Variants in TXNDC5 observed in about 807,000 individuals in gnomAD.
The protein encoded by TXNDC5 is thioredoxin domain containing 5.
A neutral mutation model predicts 52.6 loss-of-function variants in TXNDC5; 44 were observed. The observed-to-expected ratio is 0.84, with a 90% CI of 0.66 to 1.08. The LOEUF is 1.08. Among genes scored for constraint, TXNDC5 ranks in the 50% least tolerant of loss-of-function variants. TXNDC5 has a pLI of 0.00. For missense variants in TXNDC5, 600 were observed against 565.5 expected (o/e 1.06, Z -0.62); for synonymous variants, 241 against 234.4 (o/e 1.03, Z -0.26).
In TXNDC5 at chr6:7,884,416, C is replaced by T. The variant is rs770011371; in HGVS notation, c.1119G>A (p.Gly373=). The change falls in exon 9 of 10, where the codon GGG becomes GGA. Residue 373 remains glycine (G), a synonymous_variant. Transcript: ENST00000379757. The part of the protein sequence containing the change: ...LSKKEFPGLA[G]VKIAEVDCTA... ...TGCAGTCTACTTCGGCGATCTTGAC[C>T]CCCGCCAGACCAGGGAATTCCTTTT... is the stretch of plus-strand genomic sequence containing the variant. The T allele has an allele frequency of 1.2e-5, 19 of 1,614,082 alleles. No homozygotes were observed. The highest frequency in any genetic ancestry group is 1.6e-4 in the Middle Eastern group (1 of 6,062).
intron 1 of TXNDC5, among the ~76,000 whole-genome samples, 159 bp downstream of exon 1, chr6:7,910,355 C>A (rs1760876906): frequency 6.6e-6 from 1 of 150,542 alleles, no homozygotes; most frequent in South Asian, 2.1e-4. Context: ...TTACACCCCG[C>A]ACCCCTGAGC....
At chr6:7,892,864 A>T (rs576894120) in intron 4 of TXNDC5, among the ~76,000 whole-genome samples, 1 of 152,350 alleles carries the variant, frequency 6.6e-6, no homozygotes, top group Admixed American at 6.5e-5. Flanking sequence ...AAAACGGACT[A>T]ATACAAGTGG....
In TXNDC5 at chr6:7,895,190, C is replaced by G; in HGVS notation, c.532G>C (p.Glu178Gln). 1 of 1,613,042 alleles carries G rather than the reference C, an allele frequency of 6.2e-7. No homozygotes were observed. Among genetic ancestry groups the G allele is most frequent in the Non-Finnish European group, 8.5e-7 (1 of 1,179,564 alleles). ...TCGGGGGCACTGGGCGGTTCCACTT[C>G]CGGCTCTGGTGTCTAACAGGAGGAA... is the stretch of plus-strand genomic sequence containing the variant. ...LNEEPVTPEP[E>Q]VEPPSAPELK... Residue 178 changes from glutamate to glutamine, a missense_variant, in exon 4 of 10, where the codon GAA becomes CAA. Glu to Gln is a conservative substitution (Grantham distance 29). Transcript: ENST00000379757.
At chr6:7,898,977 G>A (rs371465626) in intron 3 of TXNDC5, among the ~76,000 whole-genome samples, 4 of 152,158 alleles carry the variant, frequency 2.6e-5, no homozygotes, top group East Asian at 1.9e-4. Flanking sequence ...ACTGAGCACC[G>A]AGAAGAAAAG....
At position 7,899,658 on chromosome 6, in the gene TXNDC5, T is replaced by C. The variant is rs750572826; in HGVS notation, c.437A>G (p.Gln146Arg). Residue 146 changes from glutamine to arginine, a missense_variant, in exon 3 of 10, where the codon CAA becomes CGA. Gln to Arg is a conservative substitution (Grantham distance 43). Transcript: ENST00000379757. ...YPTLKLFKPGQEAVKYQGPRD... is the reference protein window; with the variant it reads ...YPTLKLFKPGREAVKYQGPRD... ...AGGACCCTGGTACTTCACAGCTTCT[T>C]GGCCTGGCTTGAAAAGCTTTAAGCT... 2.5e-6 allele frequency: 4 copies of C among 1,614,102 alleles called. No homozygotes were observed. The highest frequency in any genetic ancestry group is 3.4e-6 in the Non-Finnish European group (4 of 1,180,004).
intron 6 of TXNDC5, 152 bp from the exon 7 acceptor site, chr6:7,889,000 AGAG>A (rs1411467812): frequency 1.0e-6 from 1 of 1,002,456 alleles, no homozygotes; most frequent in African/African-American, 1.7e-5. Context: ...ACGGGAATGT[AGAG>A]AGGATAACTG....
At chr6:7,890,221 C>T (rs1760142643) in intron 5 of TXNDC5, among the ~76,000 whole-genome samples, 1 of 152,152 alleles carries the variant, frequency 6.6e-6, no homozygotes, top group African/African-American at 2.4e-5. Flanking sequence ...ACATCTTGTT[C>T]TAAGTCATTG....
rs1055954277 is a variant in TXNDC5 at position 7,899,665 on chromosome 6, G to C, written c.430C>G (p.Pro144Ala). 7 of 1,613,900 alleles carry C rather than the reference G, an allele frequency of 4.3e-6. No homozygotes were observed. Among genetic ancestry groups the C allele is most frequent in the Admixed American group, 1.7e-5 (1 of 60,008 alleles). Residue 144 changes from proline (P) to alanine (A), a missense_variant, in exon 3 of 10, where the codon CCA becomes GCA. Coordinates refer to ENST00000379757, the MANE Select transcript of TXNDC5 (RefSeq NM_030810.5). The stretch of plus-strand genomic sequence containing the variant: ...TGGTACTTCACAGCTTCTTGGCCTG[G>C]CTTGAAAAGCTTTAAGCTGAAAGAA... ...RGYPTLKLFK[P>A]GQEAVKYQGP...
At chr6:7,907,544 TAC>T (rs1166243341) in intron 1 of TXNDC5, among the ~76,000 whole-genome samples, 1 of 152,164 alleles carries the variant, frequency 6.6e-6, no homozygotes, top group Non-Finnish European at 1.5e-5. Context: ...AGGGCAAAAA[TAC>T]ACAGATTGAT....
intron 6 of TXNDC5, 126 bp downstream of exon 6, chr6:7,889,369 A>G (rs1053461999): frequency 2.7e-6 from 2 of 754,284 alleles, no homozygotes; most frequent in South Asian, 2.1e-5. Context: ...CATTATACAC[A>G]TTTCTCCAAA....
At position 7,888,773 on chromosome 6, in the gene TXNDC5, T is replaced by C; in HGVS notation, c.895A>G (p.Thr299Ala). 1.9e-6 allele frequency: 3 copies of C among 1,614,050 alleles called. No individual in the cohort carries two copies. Among genetic ancestry groups the C allele is most frequent in the African/African-American group, 2.7e-5 (2 of 75,022 alleles). ...GGCGTGACGGTCTCCGTCGCTCCAG[T>C]CTCTGTGCGCTGCAGCTGCGACTCC... ...YVESQLQRTE[T>A]GATETVTPSE... The change falls in exon 7 of 10, where the codon ACT (threonine) becomes GCT (alanine). Residue 299 changes from threonine to alanine, a missense_variant. Physicochemically the swap from Thr to Ala is moderately conservative, Grantham distance 58 (BLOSUM62 0). Coordinates refer to ENST00000379757, the MANE Select transcript of TXNDC5 (RefSeq NM_030810.5).
chr6:7,891,068 T>C (rs2113334800), intron 5 of TXNDC5, among the ~76,000 whole-genome samples: 1 of 152,334 alleles, frequency 6.6e-6, no homozygotes, highest in Non-Finnish European at 1.5e-5. Flanking sequence ...CTGGAAAGTG[T>C]AGAAGAATAA....
At chr6:7,889,094 G>A in intron 6 of TXNDC5, 2 of 502,084 alleles carry the variant, frequency 4.0e-6, no homozygotes, top group Non-Finnish European at 6.8e-6. Flanking sequence ...CTGGGGCAGA[G>A]GCCTGCCAGC....
chr6:7,901,560 C>T (rs946441705), intron 2 of TXNDC5, among the ~76,000 whole-genome samples: 6 of 152,166 alleles, frequency 3.9e-5, no homozygotes, highest in Non-Finnish European at 5.9e-5. Flanking sequence ...GATTCTTCCT[C>T]GGTAAGTTCA....
intron 5 of TXNDC5, among the ~76,000 whole-genome samples, chr6:7,891,234 G>T (rs1194388427): frequency 6.6e-6 from 1 of 152,124 alleles, no homozygotes; most frequent in Non-Finnish European, 1.5e-5. Context: ...GCGTGCTTGG[G>T]GGAGCACAGA....
intron 7 of TXNDC5, among the ~76,000 whole-genome samples, chr6:7,886,671 C>T (rs891554237): frequency 2.0e-5 from 3 of 152,328 alleles, no homozygotes; most frequent in African/African-American, 7.2e-5. Context: ...AAAGGTGCTA[C>T]ATGGTAGTCT....
At chr6:7,910,069 G>A (rs972748680) in intron 1 of TXNDC5, 3 of 986,162 alleles carry the variant, frequency 3.0e-6, no homozygotes, top group South Asian at 4.7e-5. Context: ...TGCAAGAGGC[G>A]GTTGAATTCA....
intron 3 of TXNDC5, among the ~76,000 whole-genome samples, chr6:7,897,257 A>C (rs1365724248): frequency 1.3e-5 from 2 of 152,248 alleles, no homozygotes; most frequent in Non-Finnish European, 2.9e-5. Context: ...AAACATGGAA[A>C]TACAAAAATT....
chr6:7,887,801 CTG>C (rs1760047728), intron 7 of TXNDC5, among the ~76,000 whole-genome samples: 1 of 152,148 alleles, frequency 6.6e-6, no homozygotes, highest in East Asian at 1.9e-4. Flanking sequence ...CTGTCTCCCA[CTG>C]TGTTCCCCCA....
Sources: allele counts gnomAD v4.1 joint callset (sites outside exome capture counted in the v4.1 genomes callset), GRCh38; gene constraint gnomAD v4.1.1; transcripts MANE v1.5; gene names NCBI Gene and HGNC (gene_info 2026-07-23, HGNC 2026-07-21).